Variants in CMIP observed in about 807,000 individuals in gnomAD.
The protein encoded by CMIP is C-Maf-inducing protein.
A neutral mutation model predicts 97.3 loss-of-function variants in CMIP; 13 were observed. That is an observed-to-expected ratio of 0.13 (90% confidence interval 0.09 to 0.21). CMIP has a LOEUF of 0.21. CMIP is among the 10% of genes least tolerant of loss of function. The probability of loss-of-function intolerance (pLI) is 1.00; values close to 1 mark genes in which losing one functional copy is unlikely to be tolerated. For missense variants in CMIP, 847 were observed against 1,024.9 expected (o/e 0.83, Z 2.37); for synonymous variants, 538 against 436.3 (o/e 1.23, Z -2.91).
intron 1 of CMIP, among the ~76,000 whole-genome samples, chr16:81,556,783 G>A (rs994024068): frequency 6.6e-6 from 1 of 152,220 alleles, no homozygotes; most frequent in Non-Finnish European, 1.5e-5. Context: ...TGTACATCAC[G>A]TGTACACACA....
At chr16:81,497,094 T>G (rs1436735618) in intron 1 of CMIP, among the ~76,000 whole-genome samples, 1 of 152,092 alleles carries the variant, frequency 6.6e-6, no homozygotes, top group Non-Finnish European at 1.5e-5. Flanking sequence ...CCAGGCACAG[T>G]GATGGGGCAG....
intron 19 of CMIP, among the ~76,000 whole-genome samples, chr16:81,706,004 T>G (rs1908097661): frequency 6.6e-6 from 1 of 152,166 alleles, no homozygotes; most frequent in African/African-American, 2.4e-5. Flanking sequence ...ACTCCAGACC[T>G]CCTGACTCAG....
At chr16:81,475,844 G>A (rs1007238919) in intron 1 of CMIP, among the ~76,000 whole-genome samples, 3 of 152,048 alleles carry the variant, frequency 2.0e-5, no homozygotes, top group Admixed American at 1.3e-4. Context: ...AAAATTAGCT[G>A]GGTGTGGTGG....
chr16:81,498,030 A>T (rs946957957), intron 1 of CMIP, among the ~76,000 whole-genome samples: 1 of 152,188 alleles, frequency 6.6e-6, no homozygotes, highest in Non-Finnish European at 1.5e-5. Context: ...TGGTCTGTTC[A>T]TTCATTCATG....
At chr16:81,636,354 A>G (rs1425776098) in intron 3 of CMIP, among the ~76,000 whole-genome samples, 1 of 152,122 alleles carries the variant, frequency 6.6e-6, no homozygotes, top group Non-Finnish European at 1.5e-5. Context: ...AGGCTGAGGC[A>G]GGTGGCTCAC....
chr16:81,560,213 G>GT (rs1164656407), intron 1 of CMIP, among the ~76,000 whole-genome samples: 11 of 107,802 alleles, frequency 1.0e-4, no homozygotes, highest in Admixed American at 7.2e-4. Flanking sequence ...TTTTGTTTTT[G>GT]TTTTGTTTTG....
At chr16:81,462,108 T>C (rs1906932606) in intron 1 of CMIP, among the ~76,000 whole-genome samples, 1 of 152,270 alleles carries the variant, frequency 6.6e-6, no homozygotes, top group Non-Finnish European at 1.5e-5. Context: ...CATGACTTGC[T>C]TTGGGAAGTG....
intron 2 of CMIP, chr16:81,617,522 A>G (rs571437961): frequency 2.6e-5 from 4 of 152,362 alleles, no homozygotes; most frequent in Non-Finnish European, 5.9e-5. Flanking sequence ...CTCATGAGCC[A>G]GGGAGACCCC....
rs1230417045 is a variant in CMIP at position 81,616,474 on chromosome 16, G to A, written c.427-4402G>A. Among the ~76,000 whole-genome samples, 21 of 152,220 alleles carry A rather than the reference G, an allele frequency of 1.4e-4. No homozygotes were observed. Among genetic ancestry groups the A allele is most frequent in the East Asian group, 1.9e-4 (1 of 5,184 alleles). Reference sequence around the variant, plus strand: ...GAGGAGGTGTGTGTGAGCATTTCTCGTGGTGCCTGGTACCGAGTAAGCACC... The same window carrying A: ...GAGGAGGTGTGTGTGAGCATTTCTCATGGTGCCTGGTACCGAGTAAGCACC... On this transcript the variant is annotated intron_variant, in intron 2 of 20. Coordinates refer to ENST00000537098, the MANE Select transcript of CMIP (RefSeq NM_198390.3). The surrounding 1 kb of genome is among the most constrained non-coding windows in gnomAD (Gnocchi z 4.7).
intron 7 of CMIP, among the ~76,000 whole-genome samples, chr16:81,669,204 C>A (rs2092651004): frequency 7.3e-6 from 1 of 136,540 alleles, no homozygotes; most frequent in African/African-American, 2.8e-5. Context: ...CCACACCCAT[C>A]TCTCACACTC....
In CMIP at chr16:81,445,260, T is replaced by A; in HGVS notation, c.19T>A (p.Ser7Thr). 6.6e-7 allele frequency: 1 copy of A among 1,514,732 alleles called. No homozygotes were observed. Among genetic ancestry groups the A allele is most frequent in the South Asian group, 1.2e-5 (1 of 83,428 alleles). The allele number at this position is 1,514,732 out of a possible 1,614,324, so 93.8% of individuals were successfully genotyped here. The part of the protein sequence containing the change: MDVTSS[S>T]GGGGDPRQIE... Reference sequence around the variant, plus strand: ...CGCGGCCATGGATGTGACCAGCAGCTCGGGCGGCGGCGGCGACCCCCGGCA... The same window carrying A: ...CGCGGCCATGGATGTGACCAGCAGCACGGGCGGCGGCGGCGACCCCCGGCA... The change falls in exon 1 of 21, where the codon TCG (serine) becomes ACG (threonine). Residue 7 changes from serine (S) to threonine (T), a missense_variant. Coordinates refer to ENST00000537098, the MANE Select transcript of CMIP (RefSeq NM_198390.3).
chr16:81,476,788 A>G (rs1597461018), intron 1 of CMIP, among the ~76,000 whole-genome samples: 1 of 152,170 alleles, frequency 6.6e-6, no homozygotes, highest in African/African-American at 2.4e-5. Context: ...GATAATCTCC[A>G]TTTACAGGAA....
intron 1 of CMIP, among the ~76,000 whole-genome samples, chr16:81,537,546 C>CAAAAAAAA (rs397695977): frequency 2.4e-5 from 2 of 82,082 alleles, no homozygotes; most frequent in Non-Finnish European, 4.6e-5. Context: ...AAAAAAAAGA[C>CAAAAAAAA]AAAAAAAAAA....
Position 81,696,672 on chromosome 16 carries a change from G to A in CMIP, c.1638+5G>A, listed in dbSNP as rs371157898. 181 of 1,604,166 alleles carry A rather than the reference G, an allele frequency of 1.1e-4. 1 individual carries two copies. In the African/African-American group the frequency reaches 1.8e-3, roughly 16 times the overall value. ...GGGGAGCTGTTCGCCAGCATGGTAC[G>A]CAGTGGGACCCCAGTGGGGTGACTT... is the stretch of plus-strand genomic sequence containing the variant. On this transcript the variant is annotated splice_donor_5th_base_variant and intron_variant, in intron 14 of 20. Transcript: ENST00000537098.
Position 81,710,450 on chromosome 16 carries a change from G to C in CMIP, c.*651G>C, listed in dbSNP as rs1047446281. Reference sequence around the variant, plus strand: ...CACCGCCCTCCCGCCCCCACCTGGCGTGTAGTACTGTATAAACCAGTCAGC... The same window carrying C: ...CACCGCCCTCCCGCCCCCACCTGGCCTGTAGTACTGTATAAACCAGTCAGC... On this transcript the variant is annotated 3_prime_UTR_variant, in exon 21 of 21. Transcript: ENST00000537098. 17 of 134,368 alleles carry C rather than the reference G, an allele frequency of 1.3e-4. No individual in the cohort carries two copies. The Admixed American group carries it at 1.4e-3, about 11-fold the overall frequency. The allele number at this position is 134,368 out of a possible 1,614,324, so 8.3% of individuals were successfully genotyped here.
At position 81,651,379 on chromosome 16, in the gene CMIP, AG is replaced by A. The variant is rs977732668; in HGVS notation, c.478-823del. On this transcript the variant is annotated intron_variant, in intron 3 of 20. Transcript: ENST00000537098. ...TCTGCCTCAAATCCAGGGAGGCAGC[AG>A]CCCCTGTCCCAACCGCTCTCTGGCT... is the stretch of plus-strand genomic sequence containing the variant. The A allele has an allele frequency of 1.0e-5, 10 of 970,976 alleles. No homozygotes were observed. In the African/African-American group the frequency reaches 1.6e-4, roughly 15 times the overall value. The allele number at this position is 970,976 out of a possible 1,614,324, so 60.1% of individuals were successfully genotyped here.
intron 1 of CMIP, among the ~76,000 whole-genome samples, chr16:81,459,441 C>A (rs1242746475): frequency 6.6e-6 from 1 of 152,108 alleles, no homozygotes; most frequent in Admixed American, 6.5e-5. Flanking sequence ...AATGGGCTCT[C>A]AGCCCCTGTC....
chr16:81,609,190 C>T (rs1357049910), intron 2 of CMIP, among the ~76,000 whole-genome samples: 1 of 151,144 alleles, frequency 6.6e-6, no homozygotes, highest in Non-Finnish European at 1.5e-5. Context: ...CTCCCCCCCT[C>T]CCCACCACAG....
rs1275608780 is a variant in CMIP at position 81,444,830 on chromosome 16, G to C, written c.-412G>C. Among the ~76,000 whole-genome samples the C allele has an allele frequency of 6.9e-6, 1 of 144,258 alleles. No individual in the cohort carries two copies. The highest frequency in any genetic ancestry group is 1.5e-5 in the Non-Finnish European group (1 of 64,988). The allele number at this position is 144,258 out of a possible 152,430, so 94.6% of individuals were successfully genotyped here. Reference sequence around the variant, plus strand: ...GCCACTCTCGCCCGGACGGCCGCGCGGACACACGCTCTGTACACACGCGCG... The same window carrying C: ...GCCACTCTCGCCCGGACGGCCGCGCCGACACACGCTCTGTACACACGCGCG... On this transcript the variant is annotated 5_prime_UTR_variant, in exon 1 of 21. Coordinates refer to ENST00000537098, the MANE Select transcript of CMIP (RefSeq NM_198390.3).
Sources: gnomAD v4.1 joint callset for allele counts (sites outside exome capture counted in the v4.1 genomes callset) on GRCh38, gnomAD v4.1.1 for gene constraint, Gnocchi (gnomAD v3.1) non-coding constraint, MANE v1.5 for transcripts, NCBI Gene and HGNC (gene_info 2026-07-23, HGNC 2026-07-21) for gene names.